IMPG2: variants seen among roughly 807,000 people sequenced by gnomAD.
The protein encoded by IMPG2 is IPM 200.
Under a neutral mutation model 129.2 loss-of-function variants are expected in IMPG2, and 91 were observed. The ratio of observed to expected loss-of-function variants is 0.70; its 90% CI spans 0.59 to 0.84. The LOEUF is 0.84. Among genes scored for constraint, IMPG2 ranks in the 40% least tolerant of loss-of-function variants. The pLI is 0.00. For synonymous variants in IMPG2, 510 were observed against 517.7 expected, an observed-to-expected ratio of 0.99 and a Z score of 0.20; for missense variants, 1,430 against 1,461.7, an observed-to-expected ratio of 0.98 and a Z score of 0.35.
chr3:101,250,279 C>A (rs936575395), intron 11 of IMPG2, among the ~76,000 whole-genome samples: 2 of 152,132 alleles, frequency 1.3e-5, no homozygotes, highest in East Asian at 3.9e-4. Context: ...AGCAAGAGTT[C>A]ATTTCCAGAG....
intron 2 of IMPG2, among the ~76,000 whole-genome samples, chr3:101,307,975 T>C (rs958285136): frequency 2.0e-5 from 3 of 152,056 alleles, no homozygotes; most frequent in South Asian, 2.1e-4. Context: ...ATGGGAGAAA[T>C]TGGCCAAAAT....
At chr3:101,306,772 C>T (rs569368026) in intron 2 of IMPG2, among the ~76,000 whole-genome samples, 1 of 152,144 alleles carries the variant, frequency 6.6e-6, no homozygotes, top group Non-Finnish European at 1.5e-5. Context: ...AGGGCTAATA[C>T]TATGAAGTTT....
rs1051620948 is a variant in IMPG2, at chr3:101,244,573, C to T, written c.1758G>A (p.Leu586=). 4 of 1,592,738 alleles carry T rather than the reference C, an allele frequency of 2.5e-6. No individual in the cohort carries two copies. The African/African-American group carries it at 5.4e-5, about 22-fold the overall frequency. The change falls in exon 13 of 19, where the codon CTG becomes CTA. Residue 586 remains leucine (L), a synonymous_variant. Coordinates refer to ENST00000193391, the MANE Select transcript of IMPG2 (RefSeq NM_016247.4). The part of the protein sequence containing the change: ...VKDQLKVSPF[L]PDASMEKELI... ...ACTCTTTTTCCATGGATGCATCTGGCAGGAAAGGGCTCACTTTTAATTGGT... is the reference window on the plus strand; with the variant it reads ...ACTCTTTTTCCATGGATGCATCTGGTAGGAAAGGGCTCACTTTTAATTGGT...
chr3:101,315,936 CAAAT>C (rs752681710), intron 2 of IMPG2, among the ~76,000 whole-genome samples: 4 of 151,662 alleles, frequency 2.6e-5, no homozygotes, highest in Admixed American at 6.6e-5. Context: ...TAAAAATAGA[CAAAT>C]AAGTGGAACA....
At chr3:101,302,526 C>G (rs1321361499) in intron 3 of IMPG2, among the ~76,000 whole-genome samples, 1 of 152,088 alleles carries the variant, frequency 6.6e-6, no homozygotes, top group Non-Finnish European at 1.5e-5. Flanking sequence ...GAAAAGAGAA[C>G]TGGGTTTGGA....
At chr3:101,301,716 T>C (rs754162486) in intron 3 of IMPG2, among the ~76,000 whole-genome samples, 2 of 152,244 alleles carry the variant, frequency 1.3e-5, no homozygotes, top group Non-Finnish European at 2.9e-5. Flanking sequence ...ATTTTGTTCC[T>C]ATTTACATCT....
rs144810408 is a variant in IMPG2, at chr3:101,252,656, C to T, written c.1239+1040G>A. ...AATACACACCAAATGAATGTACTCT[C>T]TGTAAATCTCTTCTAACCTATTTTG... On this transcript the variant is annotated intron_variant, in intron 11 of 18. Transcript: ENST00000193391. Among the ~76,000 whole-genome samples the T allele has an allele frequency of 5.3e-3, 802 of 152,274 alleles. 7 individuals carry two copies. Among genetic ancestry groups the T allele is most frequent in the African/African-American group, 0.017 (701 of 41,568 alleles).
intron 13 of IMPG2, 150 bp from the exon 14 acceptor site, chr3:101,243,057 A>C (rs1289264429): frequency 1.4e-6 from 1 of 708,042 alleles, no homozygotes; most frequent in Admixed American, 2.1e-5. Flanking sequence ...AATTAACAAA[A>C]GTACAAATTA....
chr3:101,252,427 C>T (rs1293827124), intron 11 of IMPG2, among the ~76,000 whole-genome samples: 3 of 151,998 alleles, frequency 2.0e-5, no homozygotes, highest in East Asian at 1.9e-4. Context: ...AGAGTAGTGG[C>T]GCTGTCATCA....
At chr3:101,260,277 A>C (rs1706655672) in intron 9 of IMPG2, among the ~76,000 whole-genome samples, 4 of 152,144 alleles carry the variant, frequency 2.6e-5, no homozygotes, top group Admixed American at 2.6e-4. Context: ...TAAAAGTAGT[A>C]ACTGAGCACT....
At chr3:101,302,727 GTTA>G (rs1275168581) in intron 3 of IMPG2, among the ~76,000 whole-genome samples, 1 of 152,150 alleles carries the variant, frequency 6.6e-6, no homozygotes, top group African/African-American at 2.4e-5. Flanking sequence ...TATCAACATA[GTTA>G]TTAATACTGA....
At chr3:101,248,604 A>C (rs1706510333) in intron 11 of IMPG2, among the ~76,000 whole-genome samples, 1 of 152,226 alleles carries the variant, frequency 6.6e-6, no homozygotes, top group South Asian at 2.1e-4. Context: ...ACCACCAGGC[A>C]TGTCCTACTT....
intron 7 of IMPG2, among the ~76,000 whole-genome samples, chr3:101,272,599 A>T (rs1706797583): frequency 6.6e-6 from 1 of 152,226 alleles, no homozygotes; most frequent in Admixed American, 6.5e-5. Context: ...AGCCAGCCCA[A>T]GACACTCTTT....
chr3:101,298,130 T>C (rs1022138529), intron 3 of IMPG2, among the ~76,000 whole-genome samples: 3 of 152,370 alleles, frequency 2.0e-5, no homozygotes, highest in Admixed American at 2.0e-4. Flanking sequence ...TCTTTTTGAA[T>C]TGGTCCCTTT....
In IMPG2 at chr3:101,263,329, AT is replaced by A. The variant is rs1010141733; in HGVS notation, c.908+4181del. 7.9e-5 allele frequency among the ~76,000 whole-genome samples: 12 copies of A among 152,094 alleles called. 1 individual carries two copies. In the East Asian group the frequency reaches 1.4e-3, roughly 17 times the overall value. ...TAGGACACAGAACAAGTCTCAAAAA[AT>A]TTTTTTATCAAAATTATATCAAGTA... On this transcript the variant is annotated intron_variant, in intron 9 of 18. Coordinates refer to ENST00000193391, the MANE Select transcript of IMPG2 (RefSeq NM_016247.4).
chr3:101,299,614 TTTTCTG>T (rs1158661098), intron 3 of IMPG2, among the ~76,000 whole-genome samples: 7 of 152,250 alleles, frequency 4.6e-5, no homozygotes, highest in African/African-American at 1.7e-4. Context: ...GTTGTTGTTG[TTTTCTG>T]TTTGTTTGTT....
chr3:101,290,905 C>T (rs528776316), intron 4 of IMPG2, among the ~76,000 whole-genome samples: 14 of 152,038 alleles, frequency 9.2e-5, no homozygotes, highest in Non-Finnish European at 1.6e-4. Context: ...TTAGATGCTC[C>T]GAGGATGAAT....
chr3:101,238,643 G>T (rs756631095), intron 14 of IMPG2, among the ~76,000 whole-genome samples: 21 of 152,116 alleles, frequency 1.4e-4, no homozygotes, highest in Non-Finnish European at 2.6e-4. Flanking sequence ...AAGAAGAAAT[G>T]AAATCCTTTA....
chr3:101,315,230 TG>T (rs1559661593), intron 2 of IMPG2, among the ~76,000 whole-genome samples: 1 of 152,204 alleles, frequency 6.6e-6, no homozygotes, highest in East Asian at 1.9e-4. Context: ...GTTTAACAGC[TG>T]AGGCAGGTAT....
Sources: gnomAD v4.1 joint callset for allele counts (sites outside exome capture counted in the v4.1 genomes callset) on GRCh38, gnomAD v4.1.1 for gene constraint, MANE v1.5 for transcripts, NCBI Gene and HGNC (gene_info 2026-07-23, HGNC 2026-07-21) for gene names.